The following VAC14 variants were observed in gnomAD, a reference collection of about 807,000 sequenced individuals.
VAC14 encodes VAC14 component of PIKFYVE complex.
Under a neutral mutation model 85.3 loss-of-function variants are expected in VAC14, and 47 were observed. The ratio of observed to expected loss-of-function variants is 0.55; its 90% CI spans 0.44 to 0.70. The LOEUF (loss-of-function observed/expected upper bound fraction) is 0.70, where lower values mean the gene tolerates loss of function less well. Ranked by LOEUF, VAC14 falls within the 30% of genes least tolerant of loss-of-function variation. The pLI is 0.00. For synonymous variants in VAC14, 447 were observed against 430.5 expected, an observed-to-expected ratio of 1.04 and a Z score of -0.47; for missense variants, 861 against 1,004.3, an observed-to-expected ratio of 0.86 and a Z score of 1.93.
chr16:70,697,944 G>A (rs1017953555), intron 15 of VAC14, among the ~76,000 whole-genome samples: 5 of 151,942 alleles, frequency 3.3e-5, no homozygotes, highest in Admixed American at 1.3e-4. Context: ...TGGAGTCCCT[G>A]CCTCCAGGAT....
chr16:70,785,497 C>A (rs1440569856), intron 3 of VAC14, among the ~76,000 whole-genome samples: 1 of 152,124 alleles, frequency 6.6e-6, no homozygotes, highest in African/African-American at 2.4e-5. Context: ...CAAATGCAAT[C>A]AAAATGAATT....
chr16:70,693,057 G>A (rs1365158091), intron 17 of VAC14, 86 bp from the exon 18 acceptor site: 24 of 1,486,578 alleles, frequency 1.6e-5, no homozygotes, highest in Non-Finnish European at 2.2e-5. Flanking sequence ...GACTGGCCAG[G>A]ACCACCTGGG....
At chr16:70,689,812 C>T in intron 18 of VAC14, 1 of 985,472 alleles carries the variant, frequency 1.0e-6, no homozygotes, top group Non-Finnish European at 1.2e-6. Context: ...GAAGGGACCT[C>T]CCAGGCACAG....
intron 14 of VAC14, among the ~76,000 whole-genome samples, chr16:70,712,071 C>T (rs976071765): frequency 3.3e-5 from 5 of 151,948 alleles, no homozygotes; most frequent in African/African-American, 1.2e-4. Context: ...CCTATTTGTA[C>T]CCTCCCCCAC....
intron 13 of VAC14, among the ~76,000 whole-genome samples, chr16:70,737,978 GC>G (rs1228181093): frequency 6.6e-6 from 1 of 152,212 alleles, no homozygotes; most frequent in Non-Finnish European, 1.5e-5. Context: ...AAGATCTGCT[GC>G]CTGGAGGATA....
chr16:70,692,433 T>A (rs1408797433), intron 18 of VAC14, among the ~76,000 whole-genome samples: 1 of 152,110 alleles, frequency 6.6e-6, no homozygotes, highest in Non-Finnish European at 1.5e-5. Flanking sequence ...AGACAGCCAC[T>A]GGGGCCCCCA....
chr16:70,773,908 G>A (rs2033380001), intron 9 of VAC14, among the ~76,000 whole-genome samples: 1 of 151,880 alleles, frequency 6.6e-6, no homozygotes, highest in Admixed American at 6.6e-5. Context: ...TGGGACTATA[G>A]GCACGTACCA....
At chr16:70,698,441 C>T (rs1015997684) in intron 15 of VAC14, among the ~76,000 whole-genome samples, 196 bp downstream of exon 15, 1 of 152,126 alleles carries the variant, frequency 6.6e-6, no homozygotes, top group Admixed American at 6.5e-5. Context: ...GTGTGGGTGA[C>T]GTGACGCACC....
chr16:70,688,455 C>A, intron 18 of VAC14: 1 of 999,162 alleles, frequency 1.0e-6, no homozygotes, highest in Non-Finnish European at 1.2e-6. Flanking sequence ...GGGCCTGGAA[C>A]AGGGTCTGGG....
At chr16:70,748,892 G>A (rs185411968) in intron 12 of VAC14, among the ~76,000 whole-genome samples, 88 of 152,278 alleles carry the variant, frequency 5.8e-4, no homozygotes, top group Non-Finnish European at 5.9e-4. Flanking sequence ...AGCTGAGATC[G>A]CACTACTTCA....
chr16:70,709,053 A>G (rs2053977393), intron 14 of VAC14, among the ~76,000 whole-genome samples: 2 of 152,146 alleles, frequency 1.3e-5, no homozygotes, highest in Non-Finnish European at 2.9e-5. Context: ...TGCCACAGGG[A>G]TTTCCTCCAA....
chr16:70,691,867 G>C, intron 18 of VAC14: 1 of 985,448 alleles, frequency 1.0e-6, no homozygotes, highest in Non-Finnish European at 1.2e-6. Flanking sequence ...CCTGTCTCAA[G>C]GCTGCCTGTG....
chr16:70,748,426 A>G (rs1230753304), intron 12 of VAC14, among the ~76,000 whole-genome samples: 1 of 152,194 alleles, frequency 6.6e-6, no homozygotes, highest in African/African-American at 2.4e-5. Context: ...GGGAGCCAGG[A>G]GGCTCTGGAA....
At chr16:70,772,767 T>C (rs2033308716) in intron 9 of VAC14, 1 of 152,240 alleles carries the variant, frequency 6.6e-6, no homozygotes, top group South Asian at 2.1e-4. Flanking sequence ...CATGAAACCT[T>C]GTATATCAAT....
chr16:70,749,718 G>A (rs7196225), intron 12 of VAC14, among the ~76,000 whole-genome samples: 12,481 of 152,266 alleles, frequency 0.082, 563 homozygotes, highest in Middle Eastern at 0.17. Context: ...GGGGCCTGGG[G>A]TGTGGGGAGC....
intron 1 of VAC14, among the ~76,000 whole-genome samples, chr16:70,792,943 A>C (rs1596968377): frequency 1.3e-5 from 2 of 152,232 alleles, no homozygotes; most frequent in East Asian, 3.8e-4. Context: ...GATCTGAAAC[A>C]GTAAATCAAG....
chr16:70,743,880 GC>G (rs2030604829), intron 13 of VAC14, among the ~76,000 whole-genome samples: 1 of 152,182 alleles, frequency 6.6e-6, no homozygotes, highest in Non-Finnish European at 1.5e-5. Context: ...AGGGAGAAGA[GC>G]TGGCCTGCCA....
At chr16:70,708,247 TGGCCCCTGG>T (rs2053960415) in intron 14 of VAC14, among the ~76,000 whole-genome samples, 1 of 152,244 alleles carries the variant, frequency 6.6e-6, no homozygotes, top group South Asian at 2.1e-4. Context: ...AGGTGGTACT[TGGCCCCTGG>T]GCCCTCCCTG....
chr16:70,758,974 C>A (rs1272993908), intron 12 of VAC14, among the ~76,000 whole-genome samples: 2 of 152,152 alleles, frequency 1.3e-5, no homozygotes, highest in East Asian at 3.9e-4. Flanking sequence ...ACTGAGGATG[C>A]CAGAGGGTGG....
Sources: allele counts gnomAD v4.1 joint callset (sites outside exome capture counted in the v4.1 genomes callset), GRCh38; gene constraint gnomAD v4.1.1; transcripts MANE v1.5; gene names NCBI Gene and HGNC (gene_info 2026-07-23, HGNC 2026-07-21).